CNPY1: variants seen among roughly 807,000 people sequenced by gnomAD.
CNPY1 encodes the protein canopy FGF signaling regulator 1.
In CNPY1, 14 loss-of-function variants were observed where a neutral mutation model predicts 14.4. The observed-to-expected ratio is 0.97, with a 90% confidence interval of 0.64 to 1.52. The LOEUF (loss-of-function observed/expected upper bound fraction) is 1.52. CNPY1 is among the 40% of genes most tolerant of loss of function. The pLI is 0.00. For synonymous variants in CNPY1, 43 were observed against 46.5 expected (o/e 0.92, Z 0.31); for missense variants, 129 against 131.5 (o/e 0.98, Z 0.09).
chr7:155,536,799 G>A lies in CNPY1; in HGVS notation c.99+9032C>T, dbSNP rs770816539. 2.0e-5 allele frequency among the ~76,000 whole-genome samples: 3 copies of A among 152,046 alleles called. No homozygotes were observed. Among genetic ancestry groups the A allele is most frequent in the Non-Finnish European group, 4.4e-5 (3 of 68,002 alleles). ...AGCAAGAAGTCAACTCTCAACGCTC[G>A]TGGTGATCCACACTGACACCAGGCA... On this transcript the variant is annotated intron_variant, in intron 2 of 4. Coordinates refer to ENST00000636446, the MANE Select transcript of CNPY1 (RefSeq NM_001393663.1). The surrounding 1 kb of genome is among the most constrained non-coding windows in gnomAD (Gnocchi z 4.1).
At chr7:155,507,247 C>A (rs996154593) in intron 3 of CNPY1, 131 bp from the exon 4 acceptor site, 1 of 654,996 alleles carries the variant, frequency 1.5e-6, no homozygotes, top group South Asian at 1.6e-5. Flanking sequence ...TTTTTATTCG[C>A]CCTTTTGGTT....
chr7:155,526,568 G>T (rs923641909), intron 2 of CNPY1, among the ~76,000 whole-genome samples: 1 of 152,034 alleles, frequency 6.6e-6, no homozygotes, highest in Non-Finnish European at 1.5e-5. Context: ...ACTGGGCAAA[G>T]GCTACAAATA....
intron 2 of CNPY1, among the ~76,000 whole-genome samples, chr7:155,530,045 A>C (rs1796909588): frequency 6.6e-6 from 1 of 152,078 alleles, no homozygotes; most frequent in Middle Eastern, 3.4e-3. Context: ...AGCCTCCCAA[A>C]TTACGGCATT....
intron 2 of CNPY1, among the ~76,000 whole-genome samples, chr7:155,541,439 G>A (rs749514642): frequency 6.6e-6 from 1 of 152,226 alleles, no homozygotes; most frequent in East Asian, 1.9e-4. Flanking sequence ...TCTACAGGCT[G>A]TCCCATAAAG....
intron 2 of CNPY1, among the ~76,000 whole-genome samples, chr7:155,543,694 G>A (rs571550797): frequency 6.6e-6 from 1 of 152,306 alleles, no homozygotes; most frequent in East Asian, 1.9e-4. Context: ...CAACACAAGG[G>A]CTTTAAAGAC....
intron 4 of CNPY1, among the ~76,000 whole-genome samples, chr7:155,503,552 T>C (rs1308113159): frequency 1.3e-5 from 2 of 152,196 alleles, no homozygotes; most frequent in African/African-American, 4.8e-5. Context: ...AAAAAGGCTA[T>C]GGATTACTTT....
At chr7:155,546,311 G>C (rs55659512) in intron 1 of CNPY1, 118 bp downstream of exon 1, 1 of 386,680 alleles carries the variant, frequency 2.6e-6, no homozygotes, top group South Asian at 1.4e-4. Context: ...TTCCACCTCC[G>C]AGTAGCTTGG....
intron 2 of CNPY1, among the ~76,000 whole-genome samples, chr7:155,518,165 T>A (rs146896313): frequency 6.6e-6 from 1 of 152,150 alleles, no homozygotes; most frequent in Non-Finnish European, 1.5e-5. Context: ...AGATCCACAG[T>A]GCTCAAAGGG....
At chr7:155,507,231 GGTCC>G in intron 3 of CNPY1, 115 bp from the exon 4 acceptor site, 3 of 689,842 alleles carry the variant, frequency 4.3e-6, no homozygotes, top group Non-Finnish European at 5.2e-6. Context: ...TAACCAAGGT[GGTCC>G]ATTTTTATTC....
chr7:155,521,057 AGG>A (rs1295569052), intron 2 of CNPY1, among the ~76,000 whole-genome samples: 15 of 113,154 alleles, frequency 1.3e-4, no homozygotes, highest in Non-Finnish European at 2.2e-4. Flanking sequence ...AAAAGAAAGA[AGG>A]AAGGAAGGAA....
At chr7:155,522,641 G>T (rs549640356) in intron 2 of CNPY1, among the ~76,000 whole-genome samples, 2 of 152,162 alleles carry the variant, frequency 1.3e-5, no homozygotes, top group Admixed American at 6.5e-5. Flanking sequence ...AGGGCCAGAG[G>T]GGGTGAGCAC....
intron 2 of CNPY1, among the ~76,000 whole-genome samples, chr7:155,531,166 T>A (rs1796930893): frequency 6.6e-6 from 1 of 152,198 alleles, no homozygotes; most frequent in Non-Finnish European, 1.5e-5. Context: ...CCCACAGGCA[T>A]GCGTGCCCTG....
At chr7:155,512,056 T>TA in intron 2 of CNPY1, among the ~76,000 whole-genome samples, 1 of 152,294 alleles carries the variant, frequency 6.6e-6, no homozygotes, top group East Asian at 1.9e-4. Context: ...ACAAGTGGAA[T>TA]AAAACGAAGT....
rs563217382 is a variant in CNPY1, at chr7:155,501,581, A to G, written c.*1487T>C. Reference sequence around the variant, plus strand: ...CAAGTTAGGAGAATGTTCCTGATTTACTACTTTAAATGCCAAATTAACCTT... The same window carrying G: ...CAAGTTAGGAGAATGTTCCTGATTTGCTACTTTAAATGCCAAATTAACCTT... On this transcript the variant is annotated 3_prime_UTR_variant, in exon 5 of 5. Coordinates refer to ENST00000636446, the MANE Select transcript of CNPY1 (RefSeq NM_001393663.1). 6.6e-6 allele frequency: 1 copy of G among 152,346 alleles called. No homozygotes were observed. Among genetic ancestry groups the G allele is most frequent in the South Asian group, 2.1e-4 (1 of 4,830 alleles). The allele number at this position is 152,346 out of a possible 1,614,324, so 9.4% of individuals were successfully genotyped here.
intron 2 of CNPY1, among the ~76,000 whole-genome samples, chr7:155,527,057 T>TCTTTCTTTCTTTCTTTCTTTCTTTC (rs1554449558): frequency 1.5e-4 from 14 of 92,512 alleles, no homozygotes; most frequent in East Asian, 7.1e-4. Context: ...TTTCTTTCTT[T>TCTTTCTTTCTTTCTTTCTTTCTTTC]TTTTTTTTTT....
At chr7:155,529,780 T>C (rs7810979) in intron 2 of CNPY1, among the ~76,000 whole-genome samples, 36,407 of 139,184 alleles carry the variant, frequency 0.26, 4,956 homozygotes, top group South Asian at 0.43. Context: ...TCTTTTCTTT[T>C]TTTTTTTTCT....
intron 2 of CNPY1, among the ~76,000 whole-genome samples, chr7:155,544,310 C>T (rs900815604): frequency 6.6e-6 from 1 of 152,192 alleles, no homozygotes; most frequent in Non-Finnish European, 1.5e-5. Flanking sequence ...AAGGCTGTCG[C>T]CCAGCAGCTG....
At chr7:155,532,321 TAGA>T (rs1181268653) in intron 2 of CNPY1, among the ~76,000 whole-genome samples, 1 of 152,116 alleles carries the variant, frequency 6.6e-6, no homozygotes, top group East Asian at 1.9e-4. Context: ...TCCAGCTCTT[TAGA>T]AGGAGGACCC....
chr7:155,530,014 C>T (rs1796909112), intron 2 of CNPY1, among the ~76,000 whole-genome samples: 1 of 152,096 alleles, frequency 6.6e-6, no homozygotes. Flanking sequence ...AACTCCCAAC[C>T]TCAAGTGATC....
Sources: allele counts gnomAD v4.1 joint callset (sites outside exome capture counted in the v4.1 genomes callset), GRCh38; gene constraint gnomAD v4.1.1; non-coding constraint Gnocchi (gnomAD v3.1); transcripts MANE v1.5; gene names NCBI Gene and HGNC (gene_info 2026-07-23, HGNC 2026-07-21).